The following HS6ST3 variants were observed in gnomAD, a reference collection of about 807,000 sequenced individuals.
HS6ST3 encodes the protein heparan-sulfate 6-O-sulfotransferase 3.
In HS6ST3, 12 loss-of-function variants were observed where a neutral mutation model predicts 36.7. That is an observed-to-expected ratio of 0.33 (90% CI 0.21 to 0.53). The LOEUF (loss-of-function observed/expected upper bound fraction) is 0.53. HS6ST3 is among the 20% of genes least tolerant of loss of function. The pLI, the probability that HS6ST3 is intolerant of heterozygous loss-of-function variation, is 0.95. For missense variants in HS6ST3, 584 were observed against 640.9 expected (o/e 0.91, Z 0.96); for synonymous variants, 240 against 257.5 (o/e 0.93, Z 0.65).
chr13:96,499,379 C>T (rs1345952713), intron 1 of HS6ST3, among the ~76,000 whole-genome samples: 2 of 152,100 alleles, frequency 1.3e-5, no homozygotes, highest in African/African-American at 4.8e-5. Context: ...ACATATCAGG[C>T]ATTGTTTGGG....
chr13:96,720,270 C>T (rs572366007), intron 1 of HS6ST3, among the ~76,000 whole-genome samples: 1 of 152,268 alleles, frequency 6.6e-6, no homozygotes, highest in South Asian at 2.1e-4. Flanking sequence ...TCTACAAGAC[C>T]ATGACCATCT....
At chr13:96,354,564 C>T (rs1206716674) in intron 1 of HS6ST3, among the ~76,000 whole-genome samples, 1 of 151,948 alleles carries the variant, frequency 6.6e-6, no homozygotes, top group Non-Finnish European at 1.5e-5. Context: ...TATGAAACTC[C>T]ATATATCTTC....
intron 1 of HS6ST3, among the ~76,000 whole-genome samples, chr13:96,621,019 G>C (rs1365253952): frequency 6.6e-6 from 1 of 152,146 alleles, no homozygotes; most frequent in Non-Finnish European, 1.5e-5. Context: ...GGTGTGCTTT[G>C]GCACTTGTTT....
At chr13:96,204,230 C>T (rs2054357615) in intron 1 of HS6ST3, among the ~76,000 whole-genome samples, 1 of 151,922 alleles carries the variant, frequency 6.6e-6, no homozygotes, top group South Asian at 2.1e-4. Context: ...AGACTTTAAA[C>T]CAACAAAAAT....
intron 1 of HS6ST3, among the ~76,000 whole-genome samples, chr13:96,606,005 A>G (rs2056437472): frequency 6.6e-6 from 1 of 152,210 alleles, no homozygotes; most frequent in Non-Finnish European, 1.5e-5. Flanking sequence ...GATACATGCA[A>G]ATCAAAACCA....
intron 1 of HS6ST3, among the ~76,000 whole-genome samples, chr13:96,435,265 T>C (rs2139476973): frequency 6.6e-6 from 1 of 152,324 alleles, no homozygotes; most frequent in African/African-American, 2.4e-5. Context: ...ACATATTTTT[T>C]CCATGTTTTC....
At chr13:96,791,849 G>A (rs184765598) in intron 1 of HS6ST3, among the ~76,000 whole-genome samples, 2 of 151,944 alleles carry the variant, frequency 1.3e-5, no homozygotes, top group East Asian at 3.9e-4. Flanking sequence ...GGGTTTGCCT[G>A]TTTACTTTTG....
intron 1 of HS6ST3, among the ~76,000 whole-genome samples, chr13:96,724,024 T>C (rs1481760851): frequency 6.6e-6 from 1 of 152,228 alleles, no homozygotes; most frequent in Non-Finnish European, 1.5e-5. Context: ...AAAAGTTTTC[T>C]CTTTATTGCT....
intron 1 of HS6ST3, among the ~76,000 whole-genome samples, chr13:96,635,835 G>C (rs1041387969): frequency 1.2e-4 from 18 of 152,108 alleles, no homozygotes; most frequent in African/African-American, 4.1e-4. Context: ...GGATGTGGGA[G>C]ATGTATGTAC....
At chr13:96,110,942 AC>A (rs1311331664) in intron 1 of HS6ST3, among the ~76,000 whole-genome samples, 1 of 152,072 alleles carries the variant, frequency 6.6e-6, no homozygotes, top group East Asian at 1.9e-4. Context: ...TCATTTTCTC[AC>A]CATTCTTCCC....
intron 1 of HS6ST3, among the ~76,000 whole-genome samples, chr13:96,197,551 C>G (rs1456074535): frequency 6.6e-6 from 1 of 152,156 alleles, no homozygotes; most frequent in Non-Finnish European, 1.5e-5. Flanking sequence ...CTCATTTTGG[C>G]ATTAACACAA....
intron 1 of HS6ST3, among the ~76,000 whole-genome samples, chr13:96,102,052 T>C (rs894256912): frequency 1.8e-4 from 27 of 152,328 alleles, no homozygotes; most frequent in African/African-American, 6.0e-4. Flanking sequence ...TTAAGTCCAG[T>C]GAATTTAGAA....
intron 1 of HS6ST3, among the ~76,000 whole-genome samples, chr13:96,724,297 G>A (rs955592146): frequency 6.6e-6 from 1 of 152,200 alleles, no homozygotes; most frequent in Non-Finnish European, 1.5e-5. Context: ...TGGAGACAAG[G>A]AGTGAACTGG....
chr13:96,598,053 C>G (rs1010764002), intron 1 of HS6ST3, among the ~76,000 whole-genome samples: 4 of 152,084 alleles, frequency 2.6e-5, no homozygotes, highest in African/African-American at 9.7e-5. Flanking sequence ...ATACCAGTGC[C>G]ATGCTGTTTT....
intron 1 of HS6ST3, among the ~76,000 whole-genome samples, chr13:96,515,623 C>T (rs1158436212): frequency 6.6e-6 from 1 of 152,040 alleles, no homozygotes; most frequent in Non-Finnish European, 1.5e-5. Context: ...CCCCATAATC[C>T]CCACGTGTCG....
At chr13:96,797,732 C>G (rs1594862331) in intron 1 of HS6ST3, among the ~76,000 whole-genome samples, 1 of 152,022 alleles carries the variant, frequency 6.6e-6, no homozygotes, top group African/African-American at 2.4e-5. Flanking sequence ...ACTTTCACCC[C>G]ACAGCAATCA....
chr13:96,370,067 G>A (rs2055282114), intron 1 of HS6ST3, among the ~76,000 whole-genome samples: 1 of 152,030 alleles, frequency 6.6e-6, no homozygotes, highest in South Asian at 2.1e-4. Context: ...TGTAACCCTG[G>A]CTGCATATTA....
chr13:96,554,146 G>A (rs756162407), intron 1 of HS6ST3, among the ~76,000 whole-genome samples: 1 of 152,188 alleles, frequency 6.6e-6, no homozygotes, highest in Non-Finnish European at 1.5e-5. Context: ...GATTCAGAAA[G>A]AAGAGAGGTC....
chr13:96,665,609 C>T (rs1490219958), intron 1 of HS6ST3, among the ~76,000 whole-genome samples: 1 of 151,432 alleles, frequency 6.6e-6, no homozygotes, highest in Non-Finnish European at 1.5e-5. Context: ...AGCACAGGGG[C>T]AAAAATGTAC....
Sources: gnomAD v4.1 joint callset for allele counts (sites outside exome capture counted in the v4.1 genomes callset) on GRCh38, gnomAD v4.1.1 for gene constraint, MANE v1.5 for transcripts, NCBI Gene and HGNC (gene_info 2026-07-23, HGNC 2026-07-21) for gene names.